Variants in RALGAPA1 observed in about 807,000 individuals in gnomAD.
RALGAPA1 encodes the protein Ral GTPase activating protein catalytic subunit alpha 1, also known as ral GTPase-activating protein subunit alpha-1.
RALGAPA1 carries 52 observed loss-of-function variants against 269.6 expected under a neutral mutation model. That is an observed-to-expected ratio of 0.19 (90% CI 0.15 to 0.24). The LOEUF (loss-of-function observed/expected upper bound fraction) is 0.24. RALGAPA1 is among the 10% of genes least tolerant of loss of function. RALGAPA1 has a pLI of 1.00. For missense variants in RALGAPA1, 1,917 were observed against 3,013.9 expected (o/e 0.64, Z 8.52); for synonymous variants, 817 against 1,008.3 (o/e 0.81, Z 3.60).
chr14:35,688,871 C>T lies in RALGAPA1; in HGVS notation c.3540G>A (p.Lys1180=). The change falls in exon 18 of 42, where the codon AAG becomes AAA. Residue 1180 remains lysine (K), a synonymous_variant. Transcript: ENST00000680220. ...TGCTACCACTACTAAAGCCACCGAGCTTCCGCAGTCTCATCTTCCATGGAG... is the reference window on the plus strand; with the variant it reads ...TGCTACCACTACTAAAGCCACCGAGTTTCCGCAGTCTCATCTTCCATGGAG... The part of the protein sequence containing the change: ...KEAPWKMRLR[K]LGGFSSGSSN... 2 of 1,279,618 alleles carry T rather than the reference C, an allele frequency of 1.6e-6. No homozygotes were observed. The highest frequency in any genetic ancestry group is 2.0e-6 in the Non-Finnish European group (2 of 1,015,852). 79.3% of individuals were successfully genotyped at this position (1,279,618 alleles called of 1,614,324 possible).
At chr14:35,790,482 G>A (rs1025167731) in intron 1 of RALGAPA1, among the ~76,000 whole-genome samples, 11 of 151,812 alleles carry the variant, frequency 7.2e-5, no homozygotes, top group African/African-American at 2.4e-4. Flanking sequence ...GAGGTCAGGA[G>A]TTTGTGACCA....
At chr14:35,669,812 A>G (rs1392806734) in intron 26 of RALGAPA1, among the ~76,000 whole-genome samples, 3 of 152,220 alleles carry the variant, frequency 2.0e-5, no homozygotes, top group Non-Finnish European at 4.4e-5. Flanking sequence ...AGTTTATTCT[A>G]TATCCCTCTG....
intron 39 of RALGAPA1, among the ~76,000 whole-genome samples, chr14:35,568,890 T>C (rs1255156641): frequency 1.3e-5 from 2 of 152,232 alleles, no homozygotes; most frequent in African/African-American, 2.4e-5. Flanking sequence ...TTCTTTTCAA[T>C]TGATAAATCT....
intron 16 of RALGAPA1, chr14:35,715,958 T>A (rs2068782033): frequency 1.0e-6 from 1 of 985,284 alleles, no homozygotes. Flanking sequence ...AAACCAGTGG[T>A]ACGACGAAAT....
chr14:35,574,931 T>C (rs755775565), intron 37 of RALGAPA1, among the ~76,000 whole-genome samples: 85 of 151,872 alleles, frequency 5.6e-4, no homozygotes, highest in Non-Finnish European at 1.0e-3. Flanking sequence ...GTTTTGAGAC[T>C]AGCCTGGCCA....
intron 16 of RALGAPA1, among the ~76,000 whole-genome samples, chr14:35,718,513 T>C (rs2069057015): frequency 6.6e-6 from 1 of 152,144 alleles, no homozygotes; most frequent in Admixed American, 6.5e-5. Flanking sequence ...TTTAACCATG[T>C]ACGTTCATGA....
At chr14:35,584,132 T>C (rs2058121208) in intron 37 of RALGAPA1, among the ~76,000 whole-genome samples, 1 of 152,174 alleles carries the variant, frequency 6.6e-6, no homozygotes, top group African/African-American at 2.4e-5. Context: ...TGAATATGTA[T>C]GCTCATATTC....
At chr14:35,628,087 G>T in intron 33 of RALGAPA1, 136 bp from the exon 34 acceptor site, 1 of 1,020,778 alleles carries the variant, frequency 9.8e-7, no homozygotes, top group Non-Finnish European at 1.4e-6. Flanking sequence ...ATACAGTAAT[G>T]ATGGCAAAAA....
At chr14:35,561,549 C>G (rs1383322819) in intron 39 of RALGAPA1, among the ~76,000 whole-genome samples, 1 of 118,720 alleles carries the variant, frequency 8.4e-6, no homozygotes, top group African/African-American at 3.2e-5. Context: ...GAGTCTTACA[C>G]TGTTGCCCAG....
rs957957202 is a variant in RALGAPA1 at position 35,613,087 on chromosome 14, C to CT, written c.6930-7379dup. Among the ~76,000 whole-genome samples the CT allele has an allele frequency of 2.0e-3, 284 of 143,528 alleles. 1 individual carries two copies. The highest frequency in any genetic ancestry group is 4.7e-3 in the African/African-American group (183 of 39,322). 94.2% of individuals were successfully genotyped at this position (143,528 alleles called of 152,430 possible). A position where few individuals can be genotyped will look rare whatever the true frequency, so the allele number is the denominator to read the frequency against. ...ATTTTATTTTATTTTGTATTTTATT[C>CT]TTTTTTTTTTTTGAGATGGAGTCTC... On this transcript the variant is annotated intron_variant, in intron 35 of 41. Transcript: ENST00000680220.
intron 41 of RALGAPA1, among the ~76,000 whole-genome samples, chr14:35,544,762 A>G (rs905723868): frequency 4.6e-5 from 7 of 152,276 alleles, no homozygotes; most frequent in Non-Finnish European, 1.0e-4. Context: ...AAAAACATTA[A>G]TTAGCCAGGT....
intron 31 of RALGAPA1, among the ~76,000 whole-genome samples, chr14:35,639,412 A>G (rs2061865076): frequency 6.6e-6 from 1 of 152,218 alleles, no homozygotes; most frequent in African/African-American, 2.4e-5. Flanking sequence ...CTTAATGTGC[A>G]GTATGGACCA....
chr14:35,544,778 G>A (rs887653309), intron 41 of RALGAPA1, among the ~76,000 whole-genome samples: 1 of 152,194 alleles, frequency 6.6e-6, no homozygotes, highest in African/African-American at 2.4e-5. Flanking sequence ...CAGGTATGGT[G>A]ACTCAAATCT....
At chr14:35,663,624 C>T (rs1256748321) in intron 27 of RALGAPA1, among the ~76,000 whole-genome samples, 3 of 147,076 alleles carry the variant, frequency 2.0e-5, no homozygotes, top group African/African-American at 7.7e-5. Context: ...GAGTCTCGCT[C>T]TGTTACCCAG....
intron 16 of RALGAPA1, among the ~76,000 whole-genome samples, chr14:35,705,820 T>C (rs751397796): frequency 2.0e-5 from 3 of 152,182 alleles, no homozygotes; most frequent in African/African-American, 7.2e-5. Flanking sequence ...GCATTTGGTG[T>C]TGTCAGTGTT....
intron 16 of RALGAPA1, among the ~76,000 whole-genome samples, chr14:35,713,723 A>C (rs1442543123): frequency 3.3e-5 from 5 of 152,214 alleles, no homozygotes; most frequent in Non-Finnish European, 5.9e-5. Context: ...TGTCAGTCTC[A>C]GAAGGTCATG....
At chr14:35,657,676 C>T (rs939110645) in intron 28 of RALGAPA1, among the ~76,000 whole-genome samples, 1 of 143,068 alleles carries the variant, frequency 7.0e-6, no homozygotes, top group South Asian at 2.2e-4. Context: ...TGAGAAGCAA[C>T]ATATATATAT....
At chr14:35,719,422 A>C (rs533327674) in intron 16 of RALGAPA1, among the ~76,000 whole-genome samples, 2 of 152,332 alleles carry the variant, frequency 1.3e-5, no homozygotes, top group African/African-American at 2.4e-5. Context: ...TTTCTTAACA[A>C]ATTTTTAAGG....
In RALGAPA1 at chr14:35,686,663, T is replaced by C; in HGVS notation, c.3956A>G (p.Asn1319Ser). The C allele has an allele frequency of 1.9e-6, 3 of 1,540,040 alleles. No homozygotes were observed. Among genetic ancestry groups the C allele is most frequent in the African/African-American group, 1.4e-5 (1 of 72,144 alleles). Residue 1319 changes from asparagine (N) to serine (S), a missense_variant, in exon 19 of 42, where the codon AAT (asparagine) becomes AGT (serine). This residue lies in a region of RALGAPA1 where 615 missense variants were observed against 790.0 expected (regional missense o/e 0.78). Transcript: ENST00000680220. Reference sequence around the variant, plus strand: ...CAGTTTTTGGCTCATGTCCTCTTTATTGACTAAAAATAAATAAATAACTAT... The same window carrying C: ...CAGTTTTTGGCTCATGTCCTCTTTACTGACTAAAAATAAATAAATAACTAT... ...MGYFGRKAAV[N>S]KEDMSQKLPP...
Sources: allele counts gnomAD v4.1 joint callset (sites outside exome capture counted in the v4.1 genomes callset), GRCh38; gene constraint gnomAD v4.1.1; regional missense constraint gnomAD v4.1.1; transcripts MANE v1.5; gene names NCBI Gene and HGNC (gene_info 2026-07-23, HGNC 2026-07-21).